The following NAALADL2 variants were observed in gnomAD, a reference collection of about 807,000 sequenced individuals.
The protein encoded by NAALADL2 is inactive N-acetylated-alpha-linked acidic dipeptidase-like protein 2.
A neutral mutation model predicts 87.2 loss-of-function variants in NAALADL2; 76 were observed. The observed-to-expected ratio is 0.87, with a 90% CI of 0.72 to 1.05. The LOEUF (loss-of-function observed/expected upper bound fraction) is 1.05, where lower values mean the gene tolerates loss of function less well. Ranked by LOEUF, NAALADL2 falls within the 50% of genes least tolerant of loss-of-function variation. The pLI is 0.00. For missense variants in NAALADL2, 1,089 were observed against 945.8 expected (o/e 1.15, Z -1.99); for synonymous variants, 354 against 331.0 (o/e 1.07, Z -0.75).
At chr3:175,550,770 C>A (rs558437925) in intron 9 of NAALADL2, among the ~76,000 whole-genome samples, 1 of 152,262 alleles carries the variant, frequency 6.6e-6, no homozygotes, top group African/African-American at 2.4e-5. Flanking sequence ...GGAGGGGGAA[C>A]TTCCAATAAG....
At chr3:175,184,950 A>C (rs1737111352) in intron 2 of NAALADL2, among the ~76,000 whole-genome samples, 2 of 152,098 alleles carry the variant, frequency 1.3e-5, no homozygotes, top group African/African-American at 2.4e-5. Context: ...TTAAATTACT[A>C]TACGATAGGT....
At chr3:174,441,632 T>C (rs1714643841) in intron 1 of NAALADL2, among the ~76,000 whole-genome samples, 1 of 152,202 alleles carries the variant, frequency 6.6e-6, no homozygotes, top group East Asian at 1.9e-4. Flanking sequence ...CCTGCGCTGC[T>C]GGTTCTACCC....
At chr3:174,902,137 CTT>C (rs981249922) in intron 1 of NAALADL2, among the ~76,000 whole-genome samples, 21 of 152,100 alleles carry the variant, frequency 1.4e-4, no homozygotes, top group Non-Finnish European at 8.8e-5. Flanking sequence ...GTGGACCACT[CTT>C]TGTGTAGCAT....
intron 13 of NAALADL2, among the ~76,000 whole-genome samples, chr3:175,761,936 C>A (rs181366779): frequency 1.3e-5 from 2 of 152,064 alleles, no homozygotes; most frequent in African/African-American, 4.8e-5. Context: ...AATATTTTCT[C>A]TCAGACTATG....
intron 1 of NAALADL2, among the ~76,000 whole-genome samples, chr3:174,960,660 G>A (rs1741843011): frequency 6.6e-6 from 1 of 151,972 alleles, no homozygotes; most frequent in Non-Finnish European, 1.5e-5. Context: ...CAGAAGTTTG[G>A]AAACAAAATC....
intron 6 of NAALADL2, among the ~76,000 whole-genome samples, chr3:175,450,119 G>C (rs527762653): frequency 1.3e-5 from 2 of 152,132 alleles, no homozygotes; most frequent in East Asian, 3.9e-4. Context: ...TGAATTTAAT[G>C]TAGGATTATA....
intron 2 of NAALADL2, among the ~76,000 whole-genome samples, chr3:175,125,244 A>G (rs1374277632): frequency 6.6e-6 from 1 of 152,076 alleles, no homozygotes; most frequent in African/African-American, 2.4e-5. Flanking sequence ...GGTGGTTAAC[A>G]TACTGGATAG....
intron 1 of NAALADL2, among the ~76,000 whole-genome samples, chr3:174,986,154 T>G (rs1186118018): frequency 6.6e-6 from 1 of 151,380 alleles, no homozygotes; most frequent in Non-Finnish European, 1.5e-5. Context: ...TGCACCTCTC[T>G]GCATCATATA....
rs1359216609 is a variant in NAALADL2, at chr3:175,806,758, G to C, written c.*3555G>C. 7.1e-6 allele frequency: 1 copy of C among 140,308 alleles called. No individual in the cohort carries two copies. The highest frequency in any genetic ancestry group is 2.6e-5 in the African/African-American group (1 of 37,788). The allele number at this position is 140,308 out of a possible 1,614,324, so 8.7% of individuals were successfully genotyped here. A position where few individuals can be genotyped will look rare whatever the true frequency, so the allele number is the denominator to read the frequency against. On this transcript the variant is annotated 3_prime_UTR_variant, in exon 14 of 14. Transcript: ENST00000454872. ...TTTCAAAATGAGAAAACTAGGTTGA[G>C]TGACTTGTCCACAGTTCCAAAGCTA...
intron 3 of NAALADL2, among the ~76,000 whole-genome samples, chr3:175,255,873 G>T (rs1447558041): frequency 6.6e-6 from 1 of 152,176 alleles, no homozygotes; most frequent in Non-Finnish European, 1.5e-5. Flanking sequence ...TGGTTGAACA[G>T]GTTGTATTCT....
intron 1 of NAALADL2, among the ~76,000 whole-genome samples, chr3:174,501,656 T>C (rs1718904363): frequency 6.6e-6 from 1 of 152,192 alleles, no homozygotes; most frequent in Non-Finnish European, 1.5e-5. Context: ...TTTTTTTCCA[T>C]TTCATCTAAG....
intron 3 of NAALADL2, among the ~76,000 whole-genome samples, chr3:174,851,362 TAAAA>T (rs34003047): frequency 9.3e-6 from 1 of 107,842 alleles, no homozygotes; most frequent in Non-Finnish European, 1.9e-5. Flanking sequence ...TCAGCCAGAC[TAAAA>T]AAAAAAAAAA....
chr3:174,451,442 G>A (rs76697542), intron 1 of NAALADL2, among the ~76,000 whole-genome samples: 17,569 of 152,110 alleles, frequency 0.12, 1,766 homozygotes, highest in East Asian at 0.43. Context: ...TTTAAAGCAA[G>A]GAGAAAACTA....
At chr3:175,210,729 C>G (rs1741650866) in intron 2 of NAALADL2, among the ~76,000 whole-genome samples, 1 of 151,414 alleles carries the variant, frequency 6.6e-6, no homozygotes, top group South Asian at 2.1e-4. Flanking sequence ...CTGTACAACT[C>G]TACAAAATTG....
intron 1 of NAALADL2, among the ~76,000 whole-genome samples, chr3:174,866,887 ATT>A (rs1331619396): frequency 6.6e-6 from 1 of 151,526 alleles, no homozygotes; most frequent in Non-Finnish European, 1.5e-5. Flanking sequence ...CATATTTTAT[ATT>A]TTTTCCAGTT....
chr3:174,843,465 C>T (rs560835767), intron 3 of NAALADL2, among the ~76,000 whole-genome samples: 6 of 152,078 alleles, frequency 3.9e-5, no homozygotes, highest in Admixed American at 2.0e-4. Flanking sequence ...GTTGATTCCA[C>T]GTCTTGGCTA....
At chr3:174,870,563 T>C (rs1410768391) in intron 1 of NAALADL2, among the ~76,000 whole-genome samples, 2 of 151,576 alleles carry the variant, frequency 1.3e-5, no homozygotes, top group East Asian at 3.9e-4. Context: ...GTCATTATCT[T>C]GTTATTATTA....
chr3:175,655,145 C>A lies in NAALADL2; in HGVS notation c.1896+27759C>A, dbSNP rs986408116. On this transcript the variant is annotated intron_variant, in intron 11 of 13. Transcript: ENST00000454872. ...TTGCATTTGTTAACATTTATCTCAA[C>A]TGTAAATGATGCCATGTACTCTTTG... is the stretch of plus-strand genomic sequence containing the variant. Among the ~76,000 whole-genome samples the A allele has an allele frequency of 5.3e-5, 8 of 152,022 alleles. 1 individual carries two copies. Among genetic ancestry groups the A allele is most frequent in the Non-Finnish European group, 1.2e-4 (8 of 67,984 alleles).
intron 2 of NAALADL2, among the ~76,000 whole-genome samples, chr3:174,596,885 A>C (rs1229892342): frequency 1.3e-5 from 2 of 152,170 alleles, no homozygotes; most frequent in Non-Finnish European, 2.9e-5. Flanking sequence ...GATGGAGGTG[A>C]AATTTGAATC....
Sources: gnomAD v4.1 joint callset for allele counts (sites outside exome capture counted in the v4.1 genomes callset) on GRCh38, gnomAD v4.1.1 for gene constraint, MANE v1.5 for transcripts, NCBI Gene and HGNC (gene_info 2026-07-23, HGNC 2026-07-21) for gene names.